The following CRIM1 variants were observed in gnomAD, a reference collection of about 807,000 sequenced individuals.
CRIM1 encodes cysteine-rich motor neuron 1 protein.
A neutral mutation model predicts 116.4 loss-of-function variants in CRIM1; 32 were observed. The observed-to-expected ratio is 0.27, with a 90% confidence interval of 0.21 to 0.37. The LOEUF (loss-of-function observed/expected upper bound fraction) is 0.37. Among genes scored for constraint, CRIM1 ranks in the 10% least tolerant of loss-of-function variants. The pLI is 1.00. For synonymous variants in CRIM1, 590 were observed against 509.2 expected, an observed-to-expected ratio of 1.16 and a Z score of -2.13; for missense variants, 1,331 against 1,354.8, an observed-to-expected ratio of 0.98 and a Z score of 0.28.
intron 14 of CRIM1, among the ~76,000 whole-genome samples, chr2:36,542,208 A>G (rs1666992269): frequency 6.6e-6 from 1 of 152,134 alleles, no homozygotes; most frequent in South Asian, 2.1e-4. Context: ...ATCAGGAGAG[A>G]CCCATGGGGG....
intron 7 of CRIM1, among the ~76,000 whole-genome samples, chr2:36,490,331 A>C (rs1680136670): frequency 6.6e-6 from 1 of 152,170 alleles, no homozygotes; most frequent in Non-Finnish European, 1.5e-5. Flanking sequence ...GGTAGAAATA[A>C]TGAGTATTCC....
At chr2:36,519,907 G>A (rs1665265817) in intron 12 of CRIM1, among the ~76,000 whole-genome samples, 1 of 96,230 alleles carries the variant, frequency 1.0e-5, no homozygotes, top group Admixed American at 1.3e-4. Flanking sequence ...TGGCAGAGAA[G>A]AGCGAGGGAG....
At chr2:36,375,622 T>C (rs1193369017) in intron 1 of CRIM1, among the ~76,000 whole-genome samples, 2 of 152,218 alleles carry the variant, frequency 1.3e-5, no homozygotes, top group Non-Finnish European at 1.5e-5. Flanking sequence ...GTAAGATATA[T>C]ACCAATCAAC....
intron 2 of CRIM1, among the ~76,000 whole-genome samples, chr2:36,399,034 G>A (rs1572644279): frequency 1.3e-5 from 2 of 152,164 alleles, no homozygotes; most frequent in African/African-American, 4.8e-5. Context: ...CAACATGGAC[G>A]AAAGAAGAAA....
At chr2:36,442,582 A>C (rs758084039) in intron 3 of CRIM1, 33 bp from the exon 4 acceptor site, 1 of 1,613,930 alleles carries the variant, frequency 6.2e-7, no homozygotes, top group South Asian at 1.1e-5. Flanking sequence ...TAAATATAAC[A>C]ATAAACGGTG....
chr2:36,422,751 A>G (rs938382002), intron 2 of CRIM1, among the ~76,000 whole-genome samples: 3 of 152,244 alleles, frequency 2.0e-5, no homozygotes, highest in Admixed American at 6.5e-5. Context: ...TGCTTACGCT[A>G]TAACTCCCTA....
chr2:36,357,783 C>T (rs1030662897), intron 1 of CRIM1, among the ~76,000 whole-genome samples: 1 of 152,136 alleles, frequency 6.6e-6, no homozygotes, highest in Non-Finnish European at 1.5e-5. Context: ...CGCCCTCTGC[C>T]CGGCGTGCCT....
chr2:36,447,520 A>C (rs1341707958), intron 4 of CRIM1, among the ~76,000 whole-genome samples: 1 of 152,160 alleles, frequency 6.6e-6, no homozygotes, highest in African/African-American at 2.4e-5. Flanking sequence ...CTGAGACTGG[A>C]TGTCCCTCCC....
rs776136064 is a variant in CRIM1, at chr2:36,441,482, C to T, written c.730C>T (p.Leu244Phe). 2.1e-5 allele frequency: 34 copies of T among 1,611,496 alleles called. No homozygotes were observed. The highest frequency in any genetic ancestry group is 2.5e-5 in the Non-Finnish European group (30 of 1,180,018). ...AGGGAAGCCGGGAGAGTGCTGTGAC[C>T]TCTATGAGTGCAAACCAGGTATGCA... ...ASGKPGECCD[L>F]YECKPVFGVD... is the part of the protein sequence containing the mutation. The change falls in exon 3 of 17, where the codon CTC becomes TTC. Residue 244 changes from leucine to phenylalanine, a missense_variant. Leu to Phe is a conservative substitution (Grantham distance 22). Around this residue, in one of 3 missense-constraint regions of CRIM1, gnomAD observed 690 missense variants for 676.0 expected, o/e 1.02. Transcript: ENST00000280527.
intron 2 of CRIM1, among the ~76,000 whole-genome samples, chr2:36,438,241 A>G (rs965936992): frequency 7.9e-5 from 12 of 152,218 alleles, no homozygotes; most frequent in Admixed American, 5.2e-4. Context: ...ATTATTACAT[A>G]CTAAATATTT....
At chr2:36,534,032 A>C (rs1666307061) in intron 13 of CRIM1, among the ~76,000 whole-genome samples, 1 of 124,954 alleles carries the variant, frequency 8.0e-6, no homozygotes, top group Non-Finnish European at 1.7e-5. Flanking sequence ...GGTGAAAAGG[A>C]GAGAAGGAAG....
At chr2:36,432,689 A>C (rs1372099765) in intron 2 of CRIM1, among the ~76,000 whole-genome samples, 1 of 152,116 alleles carries the variant, frequency 6.6e-6, no homozygotes, top group Non-Finnish European at 1.5e-5. Flanking sequence ...TAAGAATTAA[A>C]GCAGCTTTAA....
At chr2:36,378,548 T>G (rs1168364273) in intron 1 of CRIM1, 1 of 356,888 alleles carries the variant, frequency 2.8e-6, no homozygotes, top group Non-Finnish European at 5.6e-6. Flanking sequence ...TTTTTTAAAC[T>G]TAAGGAAGTT....
At chr2:36,400,441 G>C (rs1012759547) in intron 2 of CRIM1, among the ~76,000 whole-genome samples, 2 of 152,154 alleles carry the variant, frequency 1.3e-5, no homozygotes, top group South Asian at 2.1e-4. Flanking sequence ...GCAGGGAAGA[G>C]ACATGGAGCC....
chr2:36,495,475 A>ATTTTT (rs1024205619), intron 7 of CRIM1, among the ~76,000 whole-genome samples: 119 of 129,612 alleles, frequency 9.2e-4, no homozygotes, highest in Non-Finnish European at 1.6e-3. Context: ...TTATTTATTT[A>ATTTTT]TTTTTTTTTT....
At chr2:36,545,053 A>G (rs578200693) in intron 15 of CRIM1, among the ~76,000 whole-genome samples, 13 of 152,278 alleles carry the variant, frequency 8.5e-5, no homozygotes, top group South Asian at 4.1e-4. Context: ...TTTGTCTCCC[A>G]ATAGCTGTCA....
At position 36,442,673 on chromosome 2, in the gene CRIM1, C is replaced by T. The variant is rs140450317; in HGVS notation, c.807C>T (p.Pro269=). The change falls in exon 4 of 17, where the codon CCC becomes CCT. Residue 269 remains proline, a synonymous_variant. Transcript: ENST00000280527. ...ECPPVQQTAC[P]PDSYETQVRL... is the part of the protein sequence containing the mutation. ...CTCCTGTTCAGCAGACCGCGTGTCC[C>T]CCGGACAGCTATGAAACTCAAGTCA... 3 of 1,613,946 alleles carry T rather than the reference C, an allele frequency of 1.9e-6. No homozygotes were observed. Among genetic ancestry groups the T allele is most frequent in the Middle Eastern group, 1.6e-4 (1 of 6,082 alleles).
Position 36,356,352 on chromosome 2 carries a change from G to C in CRIM1, c.60G>C (p.Leu20=). ...GCTGCGGGCACCTCCTGGTCTCGCT[G>C]CTGGGGCTGCTGCTGCTGCTGGCGC... ...LAGCGHLLVS[L]LGLLLLLARS... is the part of the protein sequence containing the mutation. Residue 20 remains leucine (L), a synonymous_variant, in exon 1 of 17, where the codon CTG becomes CTC. Coordinates refer to ENST00000280527, the MANE Select transcript of CRIM1 (RefSeq NM_016441.3). The surrounding 1 kb of genome is among the most constrained non-coding windows in gnomAD (Gnocchi z 4.3). The C allele has an allele frequency of 1.3e-6, 2 of 1,592,488 alleles. No homozygotes were observed. The highest frequency in any genetic ancestry group is 1.7e-6 in the Non-Finnish European group (2 of 1,172,046).
intron 2 of CRIM1, among the ~76,000 whole-genome samples, chr2:36,411,374 A>T (rs1415088278): frequency 6.6e-6 from 1 of 152,214 alleles, no homozygotes; most frequent in Non-Finnish European, 1.5e-5. Flanking sequence ...TCCTTTTGAT[A>T]TATCAAGAAC....
Sources: allele counts gnomAD v4.1 joint callset (sites outside exome capture counted in the v4.1 genomes callset), GRCh38; gene constraint gnomAD v4.1.1; regional missense constraint gnomAD v4.1.1; non-coding constraint Gnocchi (gnomAD v3.1); transcripts MANE v1.5; gene names NCBI Gene and HGNC (gene_info 2026-07-23, HGNC 2026-07-21).